The following NBEA variants were observed in gnomAD, a reference collection of about 807,000 sequenced individuals.
NBEA encodes the protein neurobeachin.
In NBEA, 44 loss-of-function variants were observed where a neutral mutation model predicts 343.4. The observed-to-expected ratio is 0.13, with a 90% confidence interval of 0.10 to 0.16. NBEA has a LOEUF of 0.16. NBEA is among the 10% of genes least tolerant of loss of function. NBEA has a pLI of 1.00. For missense variants in NBEA, 2,555 were observed against 3,631.3 expected, an observed-to-expected ratio of 0.70 and a Z score of 7.62; for synonymous variants, 1,175 against 1,238.7, an observed-to-expected ratio of 0.95 and a Z score of 1.08.
intron 10 of NBEA, among the ~76,000 whole-genome samples, chr13:35,082,655 T>A (rs1044430848): frequency 2.6e-5 from 4 of 152,218 alleles, no homozygotes; most frequent in Non-Finnish European, 5.9e-5. Flanking sequence ...GATTTGCATT[T>A]CTCTGATGGC....
chr13:35,207,703 A>G (rs917880169), intron 31 of NBEA, among the ~76,000 whole-genome samples: 10 of 152,140 alleles, frequency 6.6e-5, no homozygotes, highest in Non-Finnish European at 8.8e-5. Context: ...ACCTGGGGAA[A>G]TGTTGAACTC....
At chr13:35,062,509 A>C (rs184145450) in intron 8 of NBEA, among the ~76,000 whole-genome samples, 1 of 151,962 alleles carries the variant, frequency 6.6e-6, no homozygotes, top group East Asian at 1.9e-4. Flanking sequence ...ACTCCAACCA[A>C]AATAAATGCA....
intron 40 of NBEA, among the ~76,000 whole-genome samples, chr13:35,466,640 T>A (rs1566174447): frequency 1.3e-5 from 2 of 152,084 alleles, no homozygotes; most frequent in African/African-American, 4.8e-5. Flanking sequence ...GCTAATTTTT[T>A]AAATTTTTCA....
At chr13:34,966,481 A>G (rs1361369402) in intron 1 of NBEA, among the ~76,000 whole-genome samples, 2 of 152,006 alleles carry the variant, frequency 1.3e-5, no homozygotes, top group Non-Finnish European at 2.9e-5. Flanking sequence ...AATAAATACT[A>G]TTAGAATCCA....
intron 36 of NBEA, among the ~76,000 whole-genome samples, chr13:35,337,690 C>G (rs913941956): frequency 7.2e-5 from 11 of 151,952 alleles, no homozygotes; most frequent in Non-Finnish European, 1.6e-4. Context: ...CACAAGTGCA[C>G]ATGAAACATT....
At chr13:35,378,761 GAC>G (rs2041868991) in intron 38 of NBEA, among the ~76,000 whole-genome samples, 1 of 151,490 alleles carries the variant, frequency 6.6e-6, no homozygotes, top group African/African-American at 2.4e-5. Context: ...ACTAGATGAA[GAC>G]ACAGACAATT....
chr13:35,072,112 A>G (rs571615440), intron 10 of NBEA, among the ~76,000 whole-genome samples: 9 of 152,242 alleles, frequency 5.9e-5, no homozygotes, highest in African/African-American at 2.2e-4. Context: ...ATTTAAATTC[A>G]AAATGTTTTA....
chr13:35,413,716 C>T (rs2043726671), intron 38 of NBEA, among the ~76,000 whole-genome samples: 1 of 152,128 alleles, frequency 6.6e-6, no homozygotes, highest in African/African-American at 2.4e-5. Context: ...ATCTTCCCTT[C>T]ATTAATTATT....
intron 30 of NBEA, among the ~76,000 whole-genome samples, chr13:35,194,875 CAT>C (rs1485804661): frequency 5.9e-5 from 9 of 151,884 alleles, no homozygotes; most frequent in Non-Finnish European, 8.8e-5. Context: ...GTTATATGCA[CAT>C]ATATGTTTCT....
intron 35 of NBEA, among the ~76,000 whole-genome samples, chr13:35,306,031 A>G (rs1397506432): frequency 6.6e-6 from 1 of 152,156 alleles, no homozygotes; most frequent in East Asian, 1.9e-4. Context: ...ATCAAATGAA[A>G]GTATCTGATG....
At chr13:34,977,287 A>T (rs2060211817) in intron 1 of NBEA, among the ~76,000 whole-genome samples, 1 of 151,498 alleles carries the variant, frequency 6.6e-6, no homozygotes, top group South Asian at 2.1e-4. Flanking sequence ...ACTGAATATA[A>T]ATGGATATGA....
intron 45 of NBEA, among the ~76,000 whole-genome samples, chr13:35,567,984 C>T (rs1326002604): frequency 6.6e-6 from 1 of 152,154 alleles, no homozygotes; most frequent in East Asian, 1.9e-4. Flanking sequence ...GTTACTAGCT[C>T]TGTGACCTAA....
intron 58 of NBEA, among the ~76,000 whole-genome samples, chr13:35,669,806 T>A (rs2085523546): frequency 6.6e-6 from 1 of 152,110 alleles, no homozygotes; most frequent in South Asian, 2.1e-4. Context: ...CAGATCCTCA[T>A]AATCATTGCA....
At chr13:35,191,302 A>G (rs1490152979) in intron 30 of NBEA, among the ~76,000 whole-genome samples, 3 of 152,138 alleles carry the variant, frequency 2.0e-5, no homozygotes, top group East Asian at 1.9e-4. Context: ...AAAAAGCTCA[A>G]TGCACTCCAA....
chr13:35,638,205 C>T (rs1474742260), intron 49 of NBEA, among the ~76,000 whole-genome samples: 1 of 152,094 alleles, frequency 6.6e-6, no homozygotes, highest in Non-Finnish European at 1.5e-5. Flanking sequence ...TGTGAATGTA[C>T]TTAACACTAC....
intron 8 of NBEA, among the ~76,000 whole-genome samples, chr13:35,060,055 C>T (rs1258116288): frequency 6.6e-6 from 1 of 151,656 alleles, no homozygotes; most frequent in Admixed American, 6.6e-5. Flanking sequence ...TTTTGTAATT[C>T]ACATTTTGTA....
At chr13:35,265,099 A>G (rs1176074983) in intron 34 of NBEA, among the ~76,000 whole-genome samples, 1 of 151,950 alleles carries the variant, frequency 6.6e-6, no homozygotes, top group African/African-American at 2.4e-5. Flanking sequence ...ACAGCAAATT[A>G]TTTGTGAAAG....
intron 39 of NBEA, among the ~76,000 whole-genome samples, chr13:35,443,167 T>G (rs1296519673): frequency 1.3e-5 from 2 of 152,102 alleles, no homozygotes; most frequent in Non-Finnish European, 2.9e-5. Context: ...ACCACTGAAC[T>G]GTTTTCCCCC....
At chr13:35,621,802 C>T (rs1255015335) in intron 48 of NBEA, among the ~76,000 whole-genome samples, 2 of 152,072 alleles carry the variant, frequency 1.3e-5, no homozygotes, top group Non-Finnish European at 2.9e-5. Flanking sequence ...CAGTTATTAT[C>T]CAATGATAGG....
Sources: allele counts gnomAD v4.1 joint callset (sites outside exome capture counted in the v4.1 genomes callset), GRCh38; gene constraint gnomAD v4.1.1; transcripts MANE v1.5; gene names NCBI Gene and HGNC (gene_info 2026-07-23, HGNC 2026-07-21).